Variants in DLC1 observed in about 807,000 individuals in gnomAD.
The protein encoded by DLC1 is DLC1 Rho GTPase activating protein, also known as rho GTPase-activating protein 7.
Under a neutral mutation model 140.3 loss-of-function variants are expected in DLC1, and 54 were observed. The observed-to-expected ratio is 0.38, with a 90% CI of 0.31 to 0.48. The LOEUF is 0.48. Among genes scored for constraint, DLC1 ranks in the 20% least tolerant of loss-of-function variants. DLC1 has a pLI of 0.96. For synonymous variants in DLC1, 986 were observed against 728.1 expected (o/e 1.35, Z -5.70); for missense variants, 2,536 against 1,907.0 (o/e 1.33, Z -6.14).
intron 4 of DLC1, among the ~76,000 whole-genome samples, chr8:13,335,754 C>A (rs1833788538): frequency 6.6e-6 from 1 of 152,002 alleles, no homozygotes; most frequent in Admixed American, 6.6e-5. Context: ...TCTATTGTTC[C>A]ATAGAATCAT....
intron 2 of DLC1, among the ~76,000 whole-genome samples, chr8:13,453,422 A>ATTTTTTTTTTTTTTTTTTTTTTTTTTT (rs1554523043): frequency 1.8e-4 from 6 of 32,564 alleles, no homozygotes; most frequent in East Asian, 3.4e-3. Flanking sequence ...ATATATATAT[A>ATTTTTTTTTTTTTTTTTTTTTTTTTTT]TGTGTATATA....
chr8:13,423,461 G>A (rs1189841741), intron 2 of DLC1, among the ~76,000 whole-genome samples: 2 of 151,874 alleles, frequency 1.3e-5, no homozygotes, highest in African/African-American at 2.4e-5. Flanking sequence ...TTGCTAGGAT[G>A]GTATAGTTTC....
At chr8:13,261,233 C>T (rs1432446733) in intron 5 of DLC1, among the ~76,000 whole-genome samples, 1 of 152,086 alleles carries the variant, frequency 6.6e-6, no homozygotes, top group East Asian at 1.9e-4. Flanking sequence ...GTAGAGGTAA[C>T]ATTTCAGCAG....
chr8:13,590,077 A>ATATATATATATATATATCTATCTC (rs11272767), intron 1 of DLC1, among the ~76,000 whole-genome samples: 4 of 145,192 alleles, frequency 2.8e-5, no homozygotes, highest in Non-Finnish European at 4.5e-5. Flanking sequence ...ATATATATAT[A>ATATATATATATATATATCTATCTC]CAAACACATG....
chr8:13,275,929 T>C (rs897969387), intron 5 of DLC1, among the ~76,000 whole-genome samples: 3 of 152,160 alleles, frequency 2.0e-5, no homozygotes, highest in African/African-American at 7.2e-5. Flanking sequence ...TTTGCAGCAG[T>C]TGTTCATCAC....
Position 13,100,359 on chromosome 8 carries a change from C to G in DLC1, c.1978G>C (p.Ala660Pro), listed in dbSNP as rs1382870316. The G allele has an allele frequency of 1.9e-6, 3 of 1,614,216 alleles. No homozygotes were observed. ...SFSMKGHEKT[A>P]KSKTRSLLKR... Reference sequence around the variant, plus strand: ...AGCAGACTGCGCGTCTTGGACTTGGCAGTTTTTTCGTGGCCTTTCATGCTG... The same window carrying G: ...AGCAGACTGCGCGTCTTGGACTTGGGAGTTTTTTCGTGGCCTTTCATGCTG... The change falls in exon 9 of 18, where the codon GCC (alanine) becomes CCC (proline). Residue 660 changes from alanine (A) to proline (P), a missense_variant. Physicochemically the swap from Ala to Pro is conservative, Grantham distance 27. Transcript: ENST00000276297.
At chr8:13,461,168 C>T (rs1354637611) in intron 2 of DLC1, among the ~76,000 whole-genome samples, 4 of 152,318 alleles carry the variant, frequency 2.6e-5, no homozygotes, top group East Asian at 3.9e-4. Flanking sequence ...TATGATGGTG[C>T]GAGTGCACCC....
At position 13,090,488 on chromosome 8, in the gene DLC1, G is replaced by C. The variant is rs750232241; in HGVS notation, c.3856-18C>G. On this transcript the variant is annotated intron_variant, in intron 14 of 17. Transcript: ENST00000276297. ...TCGGGAACCTGTGCGGAACATGACA[G>C]ACAGAAAGGAGGTGAGTCCACCTGT... is the stretch of plus-strand genomic sequence containing the variant. 5.0e-6 allele frequency: 8 copies of C among 1,612,394 alleles called. No individual in the cohort carries two copies. The highest frequency in any genetic ancestry group is 6.8e-6 in the Non-Finnish European group (8 of 1,179,712).
intron 2 of DLC1, among the ~76,000 whole-genome samples, chr8:13,455,414 G>A (rs1045569938): frequency 5.3e-5 from 8 of 151,988 alleles, no homozygotes; most frequent in African/African-American, 1.2e-4. Flanking sequence ...GCCTAATGTC[G>A]CTGCAGCTGG....
chr8:13,596,480 A>T (rs1805684034), intron 1 of DLC1, among the ~76,000 whole-genome samples: 1 of 151,968 alleles, frequency 6.6e-6, no homozygotes, highest in South Asian at 2.1e-4. Flanking sequence ...GATTCCTTAG[A>T]GGCCTTTCTT....
At chr8:13,252,710 T>A (rs1396146529) in intron 5 of DLC1, among the ~76,000 whole-genome samples, 1 of 152,192 alleles carries the variant, frequency 6.6e-6, no homozygotes. Context: ...TTGCTTGCTT[T>A]CAAATATTTG....
chr8:13,192,984 G>A (rs374495049), intron 5 of DLC1, among the ~76,000 whole-genome samples: 238 of 152,300 alleles, frequency 1.6e-3, no homozygotes, highest in African/African-American at 5.5e-3. Flanking sequence ...AACTAATACA[G>A]TGACCCTCTT....
intron 4 of DLC1, among the ~76,000 whole-genome samples, chr8:13,383,058 C>T (rs958523296): frequency 1.3e-5 from 2 of 152,156 alleles, no homozygotes; most frequent in Admixed American, 6.5e-5. Context: ...ATCTTTGGAC[C>T]ACCAAAGTAT....
chr8:13,234,407 C>A (rs192455063), intron 5 of DLC1, among the ~76,000 whole-genome samples: 13 of 152,220 alleles, frequency 8.5e-5, no homozygotes, highest in Non-Finnish European at 1.3e-4. Flanking sequence ...CTATTTCAAG[C>A]CTATTTCCTG....
Position 13,085,927 on chromosome 8 carries a change from G to A in DLC1, c.4471C>T (p.His1491Tyr). 5.0e-6 allele frequency: 8 copies of A among 1,613,336 alleles called. No homozygotes were observed. The highest frequency in any genetic ancestry group is 6.8e-6 in the Non-Finnish European group (8 of 1,179,836). ...TYMCRVDLRG[H>Y]MPEWYTKSFG... is the part of the protein sequence containing the mutation. ...GATTTTGTGTACCATTCTGGCATGTGGCCCCTATCAGAGAAAAGAAAGAAA... is the reference window on the plus strand; with the variant it reads ...GATTTTGTGTACCATTCTGGCATGTAGCCCCTATCAGAGAAAAGAAAGAAA... The change falls in exon 18 of 18, where the codon CAC becomes TAC. Residue 1491 changes from histidine (H) to tyrosine (Y), a missense_variant. His to Tyr is a moderately conservative substitution (Grantham distance 83). Coordinates refer to ENST00000276297, the MANE Select transcript of DLC1 (RefSeq NM_182643.3).
rs1170669658 is a variant in DLC1 at position 13,099,996 on chromosome 8, G to A, written c.2341C>T (p.Pro781Ser). 1 of 1,612,408 alleles carries A rather than the reference G, an allele frequency of 6.2e-7. No individual in the cohort carries two copies. The highest frequency in any genetic ancestry group is 8.5e-7 in the Non-Finnish European group (1 of 1,180,042). ...TTGTTAAATGTTGACTGATTGAAAG[G>A]ATCGAAGCCCTCTAAGTACATGCCC... is the stretch of plus-strand genomic sequence containing the variant. ...RVGMYLEGFD[P>S]FNQSTFNNVV... Residue 781 changes from proline (P) to serine (S), a missense_variant, in exon 9 of 18, where the codon CCT becomes TCT. Physicochemically the swap from Pro to Ser is moderately conservative, Grantham distance 74. Transcript: ENST00000276297.
chr8:13,320,864 C>A (rs1008495621), intron 4 of DLC1, among the ~76,000 whole-genome samples: 2 of 152,056 alleles, frequency 1.3e-5, no homozygotes, highest in Admixed American at 6.6e-5. Context: ...ACAAATTAAT[C>A]AATTTTTGAA....
chr8:13,449,637 G>C (rs571251652), intron 2 of DLC1, among the ~76,000 whole-genome samples: 2 of 151,122 alleles, frequency 1.3e-5, no homozygotes, highest in Admixed American at 6.6e-5. Flanking sequence ...ACTTGGACAC[G>C]GGAAGGGGAA....
intron 5 of DLC1, among the ~76,000 whole-genome samples, chr8:13,183,894 C>T (rs1475770722): frequency 1.3e-5 from 2 of 152,170 alleles, no homozygotes; most frequent in African/African-American, 4.8e-5. Context: ...GGAATGGTAC[C>T]AACTCCTCCT....
Sources: allele counts gnomAD v4.1 joint callset (sites outside exome capture counted in the v4.1 genomes callset), GRCh38; gene constraint gnomAD v4.1.1; transcripts MANE v1.5; gene names NCBI Gene and HGNC (gene_info 2026-07-23, HGNC 2026-07-21).